Variants in ADARB1 observed in about 807,000 individuals in gnomAD.
The protein encoded by ADARB1 is adenosine deaminase RNA specific B1.
ADARB1 carries 10 observed loss-of-function variants against 52.4 expected under a neutral mutation model. The ratio of observed to expected loss-of-function variants is 0.19; its 90% confidence interval spans 0.12 to 0.32. The LOEUF is 0.32. Ranked by LOEUF, ADARB1 falls within the 10% of genes least tolerant of loss-of-function variation. The probability of loss-of-function intolerance (pLI) is 1.00; values close to 1 mark genes in which losing one functional copy is unlikely to be tolerated. For missense variants in ADARB1, 643 were observed against 922.3 expected (o/e 0.70, Z 3.92); for synonymous variants, 349 against 371.1 (o/e 0.94, Z 0.68).
intron 2 of ADARB1, among the ~76,000 whole-genome samples, chr21:45,154,226 T>A (rs997646371): frequency 1.3e-5 from 2 of 152,242 alleles, no homozygotes; most frequent in Non-Finnish European, 2.9e-5. Flanking sequence ...GATGTAACAA[T>A]GAGGCCCACA....
intron 8 of ADARB1, among the ~76,000 whole-genome samples, chr21:45,199,063 C>T (rs1041433310): frequency 3.9e-5 from 6 of 152,170 alleles, no homozygotes; most frequent in South Asian, 2.1e-4. Context: ...ACCCATGGGG[C>T]AGCACTGGTG....
At chr21:45,144,761 C>T (rs2089923865) in intron 2 of ADARB1, 11 of 374,372 alleles carry the variant, frequency 2.9e-5, no homozygotes, top group South Asian at 2.3e-4. Flanking sequence ...GCCAGTGCCC[C>T]ACCAGGGCAC....
At position 45,223,143 on chromosome 21, in the gene ADARB1, A is replaced by T. The variant is rs903442045; in HGVS notation, c.*946A>T. The T allele has an allele frequency of 1.0e-5, 10 of 985,360 alleles. No homozygotes were observed. Among genetic ancestry groups the T allele is most frequent in the African/African-American group, 1.7e-5 (1 of 57,242 alleles). 61.0% of individuals were successfully genotyped at this position (985,360 alleles called of 1,614,324 possible). A position where few individuals can be genotyped will look rare whatever the true frequency, so the allele number is the denominator to read the frequency against. Reference sequence around the variant, plus strand: ...CTGTTCCTTCCTCTGAATCGAATGGATGTGGGTGACCGCCCGAAGGCCTTC... The same window carrying T: ...CTGTTCCTTCCTCTGAATCGAATGGTTGTGGGTGACCGCCCGAAGGCCTTC... On this transcript the variant is annotated 3_prime_UTR_variant, in exon 11 of 11. Coordinates refer to ENST00000348831, the MANE Select transcript of ADARB1 (RefSeq NM_001112.4).
intron 1 of ADARB1, among the ~76,000 whole-genome samples, chr21:45,092,025 A>T (rs943338432): frequency 6.6e-6 from 1 of 152,210 alleles, no homozygotes; most frequent in South Asian, 2.1e-4. Flanking sequence ...GACCCTAGAG[A>T]TCAACATCCT....
In ADARB1 at chr21:45,176,547, G is replaced by A; in HGVS notation, c.846G>A (p.Lys282=). The change falls in exon 4 of 11, where the codon AAG becomes AAA. Residue 282 remains lysine, a synonymous_variant. Coordinates refer to ENST00000348831, the MANE Select transcript of ADARB1 (RefSeq NM_001112.4). The surrounding 1 kb of genome is among the most constrained non-coding windows in gnomAD (Gnocchi z 5.8). ...QFFEGSGRNK[K]LAKARAAQSA... is the part of the protein sequence containing the mutation. Reference sequence around the variant, plus strand: ...TTGAAGGCTCGGGGAGAAACAAGAAGCTTGCCAAGGCCCGGGCTGCGCAGT... The same window carrying A: ...TTGAAGGCTCGGGGAGAAACAAGAAACTTGCCAAGGCCCGGGCTGCGCAGT... 4 of 1,614,228 alleles carry A rather than the reference G, an allele frequency of 2.5e-6. No homozygotes were observed. The highest frequency in any genetic ancestry group is 3.4e-6 in the Non-Finnish European group (4 of 1,180,048).
intron 2 of ADARB1, among the ~76,000 whole-genome samples, chr21:45,150,122 A>C (rs1436528843): frequency 6.6e-6 from 1 of 152,204 alleles, no homozygotes; most frequent in Non-Finnish European, 1.5e-5. Flanking sequence ...CGTCTCTACT[A>C]AAAATACAAA....
Position 45,172,187 on chromosome 21 carries a change from G to A in ADARB1, c.28+503G>A, listed in dbSNP as rs536434940. On this transcript the variant is annotated intron_variant, in intron 3 of 10. Coordinates refer to ENST00000348831, the MANE Select transcript of ADARB1 (RefSeq NM_001112.4). This position sits in a 1 kb window ranked among gnomAD's most constrained non-coding sequence, Gnocchi z 4.4. The stretch of plus-strand genomic sequence containing the variant: ...GGTGCTAATGAGAGCTGGGACTGGT[G>A]TGGGCCTCCTCCTTCCGTGCTGTTC... Among the ~76,000 whole-genome samples the A allele has an allele frequency of 6.6e-6, 1 of 152,302 alleles. No homozygotes were observed. The highest frequency in any genetic ancestry group is 1.9e-4 in the East Asian group (1 of 5,182).
chr21:45,201,962 G>A lies in ADARB1; in HGVS notation c.1566-2593G>A, dbSNP rs534211348. Among the ~76,000 whole-genome samples, 8 of 152,298 alleles carry A rather than the reference G, an allele frequency of 5.3e-5. No individual in the cohort carries two copies. In the East Asian group the frequency reaches 1.5e-3, roughly 29 times the overall value. On this transcript the variant is annotated intron_variant, in intron 8 of 10. Coordinates refer to ENST00000348831, the MANE Select transcript of ADARB1 (RefSeq NM_001112.4). Reference sequence around the variant, plus strand: ...GTGGACCTGTGGACAGAAGCTTTGGGCAAGCAGCAAGGAGGTCCCTGAGGG... The same window carrying A: ...GTGGACCTGTGGACAGAAGCTTTGGACAAGCAGCAAGGAGGTCCCTGAGGG...
At chr21:45,113,406 G>T (rs2087643580) in intron 1 of ADARB1, among the ~76,000 whole-genome samples, 1 of 152,026 alleles carries the variant, frequency 6.6e-6, no homozygotes, top group Non-Finnish European at 1.5e-5. Flanking sequence ...CTGGGCGACA[G>T]AGCAAGACTC....
In ADARB1 at chr21:45,224,035, C is replaced by T. The variant is rs2093013217; in HGVS notation, c.*1838C>T. 3 of 985,342 alleles carry T rather than the reference C, an allele frequency of 3.0e-6. No homozygotes were observed. Among genetic ancestry groups the T allele is most frequent in the African/African-American group, 1.7e-5 (1 of 57,214 alleles). 61.0% of individuals were successfully genotyped at this position (985,342 alleles called of 1,614,324 possible). A position where few individuals can be genotyped will look rare whatever the true frequency, so the allele number is the denominator to read the frequency against. ...AGGCAGATCGCGCTGGGGTTCTGCA[C>T]CTGCAGAAGGAGAGGGGTCTGTTGT... On this transcript the variant is annotated 3_prime_UTR_variant, in exon 11 of 11. Transcript: ENST00000348831.
intron 2 of ADARB1, among the ~76,000 whole-genome samples, chr21:45,136,301 T>C (rs3788164): frequency 0.1 from 15,855 of 152,122 alleles, 883 homozygotes; most frequent in East Asian, 0.17. Flanking sequence ...ACATGATGGG[T>C]GGGGAGACCC....
chr21:45,093,291 G>A (rs1310492995), intron 1 of ADARB1, among the ~76,000 whole-genome samples: 1 of 152,160 alleles, frequency 6.6e-6, no homozygotes, highest in Non-Finnish European at 1.5e-5. Context: ...TCTCGGGTAG[G>A]AGAGTGTTGG....
At chr21:45,137,734 C>T (rs1400166350) in intron 2 of ADARB1, among the ~76,000 whole-genome samples, 1 of 151,504 alleles carries the variant, frequency 6.6e-6, no homozygotes, top group East Asian at 1.9e-4. Context: ...ATGATGGTGG[C>T]ACTGTGAGGA....
intron 1 of ADARB1, among the ~76,000 whole-genome samples, chr21:45,077,681 AAAG>A (rs983515215): frequency 2.0e-5 from 3 of 152,056 alleles, no homozygotes; most frequent in African/African-American, 7.2e-5. Context: ...AAAAAAAAGA[AAAG>A]AAAAAGAAAA....
intron 2 of ADARB1, among the ~76,000 whole-genome samples, chr21:45,161,209 G>A (rs2090946492): frequency 6.6e-6 from 1 of 152,212 alleles, no homozygotes; most frequent in Non-Finnish European, 1.5e-5. Flanking sequence ...ACCGGGAACA[G>A]GTGGAAGCCC....
At chr21:45,183,557 A>C (rs2091998347) in intron 7 of ADARB1, 47 bp downstream of exon 7, 1 of 1,591,350 alleles carries the variant, frequency 6.3e-7, no homozygotes. Flanking sequence ...AGAAAATGTT[A>C]ACAGATAAAA....
At chr21:45,134,354 A>C (rs1278802119) in intron 2 of ADARB1, among the ~76,000 whole-genome samples, 2 of 124,512 alleles carry the variant, frequency 1.6e-5, no homozygotes, top group African/African-American at 3.1e-5. Context: ...TGTGCGCCCG[A>C]CGGGGGTGTG....
chr21:45,086,072 G>A (rs576065107), intron 1 of ADARB1, among the ~76,000 whole-genome samples: 10 of 152,316 alleles, frequency 6.6e-5, no homozygotes, highest in Non-Finnish European at 1.3e-4. Flanking sequence ...GAATGGAAAA[G>A]GCAGGCTTTG....
In ADARB1 at chr21:45,176,246, C is replaced by T. The variant is rs750451579; in HGVS notation, c.545C>T (p.Thr182Ile). 3 of 1,614,132 alleles carry T rather than the reference C, an allele frequency of 1.9e-6. No individual in the cohort carries two copies. The highest frequency in any genetic ancestry group is 1.1e-5 in the South Asian group (1 of 91,092). The part of the protein sequence containing the change: ...FPDTLFNGFE[T>I]PDKAEPPFYV... ...GACACGCTCTTCAATGGTTTTGAAA[C>T]TCCTGACAAGGCGGAGCCTCCCTTT... The change falls in exon 4 of 11, where the codon ACT becomes ATT. Residue 182 changes from threonine (T) to isoleucine (I), a missense_variant. Physicochemically the swap from Thr to Ile is moderately conservative, Grantham distance 89 (BLOSUM62 -1). Coordinates refer to ENST00000348831, the MANE Select transcript of ADARB1 (RefSeq NM_001112.4). This position sits in a 1 kb window ranked among gnomAD's most constrained non-coding sequence, Gnocchi z 5.8.
Sources: allele counts gnomAD v4.1 joint callset (sites outside exome capture counted in the v4.1 genomes callset), GRCh38; gene constraint gnomAD v4.1.1; non-coding constraint Gnocchi (gnomAD v3.1); transcripts MANE v1.5; gene names NCBI Gene and HGNC (gene_info 2026-07-23, HGNC 2026-07-21).